The following APBA2 variants were observed in gnomAD, a reference collection of about 807,000 sequenced individuals.
APBA2 encodes amyloid-beta A4 precursor protein-binding family A member 2.
APBA2 carries 30 observed loss-of-function variants against 75.0 expected under a neutral mutation model. The ratio of observed to expected loss-of-function variants is 0.40; its 90% CI spans 0.30 to 0.54. The LOEUF (loss-of-function observed/expected upper bound fraction) is 0.54, where lower values mean the gene tolerates loss of function less well. Among genes scored for constraint, APBA2 ranks in the 20% least tolerant of loss-of-function variants. The pLI is 0.49. For missense variants in APBA2, 801 were observed against 1,016.1 expected (o/e 0.79, Z 2.88); for synonymous variants, 444 against 409.6 (o/e 1.08, Z -1.01).
chr15:28,916,266 GATGCCCAGAGT>G (rs2033686980), intron 1 of APBA2, among the ~76,000 whole-genome samples: 1 of 152,166 alleles, frequency 6.6e-6, no homozygotes, highest in Admixed American at 6.5e-5. Flanking sequence ...CACCTCTCCT[GATGCCCAGAGT>G]GGCGGCCCGT....
chr15:28,956,205 C>A (rs1311370809), intron 2 of APBA2, among the ~76,000 whole-genome samples: 1 of 152,080 alleles, frequency 6.6e-6, no homozygotes, highest in Non-Finnish European at 1.5e-5. Context: ...CCTAGCCCTC[C>A]CAGCCCTCTG....
At chr15:29,087,873 A>C (rs2043362078) in intron 6 of APBA2, among the ~76,000 whole-genome samples, 1 of 152,018 alleles carries the variant, frequency 6.6e-6, no homozygotes, top group Admixed American at 6.6e-5. Flanking sequence ...TCCCGTCTGC[A>C]CTTTGGAACC....
chr15:28,908,095 G>A (rs1031869628), intron 1 of APBA2, among the ~76,000 whole-genome samples: 6 of 152,182 alleles, frequency 3.9e-5, no homozygotes, highest in African/African-American at 1.2e-4. Context: ...GCTGGACCCT[G>A]GGGTTTTCCC....
chr15:29,083,604 C>T lies in APBA2; in HGVS notation c.1069+7513C>T, dbSNP rs146142746. On this transcript the variant is annotated intron_variant, in intron 6 of 14. Coordinates refer to ENST00000683413, the MANE Select transcript of APBA2 (RefSeq NM_001353788.2). Reference sequence around the variant, plus strand: ...GGAGTGCAATGGCGCAATCTTGGCTCACTGCAACCTTCGCCTTCTGGGTTC... The same window carrying T: ...GGAGTGCAATGGCGCAATCTTGGCTTACTGCAACCTTCGCCTTCTGGGTTC... Among the ~76,000 whole-genome samples, 252 of 152,284 alleles carry T rather than the reference C, an allele frequency of 1.7e-3. 2 individuals are homozygous for T. Among genetic ancestry groups the T allele is most frequent in the African/African-American group, 5.6e-3 (232 of 41,554 alleles).
In APBA2 at chr15:29,108,316, C is replaced by A. The variant is rs1244866975; in HGVS notation, c.1964C>A (p.Pro655His). Residue 655 changes from proline (P) to histidine (H), a missense_variant, in exon 13 of 15, where the codon CCC becomes CAC. Physicochemically the swap from Pro to His is moderately conservative, Grantham distance 77. Around this residue, in one of 2 missense-constraint regions of APBA2, gnomAD observed 367 missense variants for 544.5 expected, o/e 0.67. Transcript: ENST00000683413. Reference sequence around the variant, plus strand: ...GTGAAGCTCAACATTGTCAGCTGTCCCCCGGTCACCACGGTCCTTATCAAG... The same window carrying A: ...GTGAAGCTCAACATTGTCAGCTGTCACCCGGTCACCACGGTCCTTATCAAG... ...TQVKLNIVSC[P>H]PVTTVLIKRP... 6.2e-7 allele frequency: 1 copy of A among 1,614,040 alleles called. No homozygotes were observed. The highest frequency in any genetic ancestry group is 1.7e-5 in the Admixed American group (1 of 60,028).
At chr15:28,920,072 G>T (rs2033892485) in intron 1 of APBA2, among the ~76,000 whole-genome samples, 1 of 152,184 alleles carries the variant, frequency 6.6e-6, no homozygotes, top group Non-Finnish European at 1.5e-5. Context: ...ATCATGTGCA[G>T]TCTATAAACT....
intron 2 of APBA2, among the ~76,000 whole-genome samples, chr15:28,941,842 C>T (rs563108318): frequency 6.6e-6 from 1 of 152,352 alleles, no homozygotes; most frequent in East Asian, 1.9e-4. Context: ...CCGCAAGCTC[C>T]GCCTCCCGGG....
chr15:29,039,692 T>C lies in APBA2; in HGVS notation c.-40-14153T>C, dbSNP rs2040936434. On this transcript the variant is annotated intron_variant, in intron 3 of 14. Transcript: ENST00000683413. ...CCTGCCGATGATAATGCTGATGATG[T>C]CAAGCCTAGCTGAACGCTGATGGGC... Among the ~76,000 whole-genome samples the C allele has an allele frequency of 4.6e-5, 7 of 152,188 alleles. No homozygotes were observed. In the South Asian group the frequency reaches 1.0e-3, roughly 22 times the overall value.
chr15:28,934,755 G>A (rs1036940483), intron 2 of APBA2, among the ~76,000 whole-genome samples: 1 of 152,166 alleles, frequency 6.6e-6, no homozygotes, highest in Admixed American at 6.5e-5. Flanking sequence ...TGGTAAGCTC[G>A]GTCACCCAGG....
At chr15:28,889,662 G>A (rs2031999580) in intron 1 of APBA2, among the ~76,000 whole-genome samples, 2 of 152,050 alleles carry the variant, frequency 1.3e-5, no homozygotes, top group Admixed American at 1.3e-4. Flanking sequence ...ACTGAATGTG[G>A]GCTCTTTCCC....
chr15:29,082,523 CA>C (rs2043127984), intron 6 of APBA2, among the ~76,000 whole-genome samples: 1 of 152,142 alleles, frequency 6.6e-6, no homozygotes, highest in African/African-American at 2.4e-5. Flanking sequence ...CAGCCCCTGG[CA>C]ATTGGGAATT....
chr15:29,111,244 C>T (rs576044043), intron 13 of APBA2, among the ~76,000 whole-genome samples: 10 of 151,990 alleles, frequency 6.6e-5, no homozygotes, highest in Admixed American at 2.0e-4. Flanking sequence ...GTCTGGGTCA[C>T]GACTGGGGAC....
intron 3 of APBA2, among the ~76,000 whole-genome samples, chr15:29,002,717 T>C (rs1214118420): frequency 6.6e-6 from 1 of 152,080 alleles, no homozygotes; most frequent in African/African-American, 2.4e-5. Flanking sequence ...ACAGGCATGT[T>C]TGGCATGGGT....
At chr15:28,950,584 G>T (rs371284260) in intron 2 of APBA2, among the ~76,000 whole-genome samples, 62 of 150,232 alleles carry the variant, frequency 4.1e-4, no homozygotes, top group South Asian at 2.1e-3. Context: ...CTGAGATCAC[G>T]CCACTGCACT....
At chr15:28,934,314 G>T (rs972821496) in intron 2 of APBA2, among the ~76,000 whole-genome samples, 1 of 152,166 alleles carries the variant, frequency 6.6e-6, no homozygotes, top group African/African-American at 2.4e-5. Flanking sequence ...ACTCCTGTCT[G>T]CAGGTGAGTG....
At chr15:28,995,067 G>C (rs1191734694) in intron 2 of APBA2, among the ~76,000 whole-genome samples, 1 of 152,096 alleles carries the variant, frequency 6.6e-6, no homozygotes, top group African/African-American at 2.4e-5. Context: ...TTCCACCCCA[G>C]CTTCCTGCCC....
intron 2 of APBA2, among the ~76,000 whole-genome samples, chr15:28,992,955 C>T (rs1041884494): frequency 2.0e-5 from 3 of 152,204 alleles, no homozygotes; most frequent in Non-Finnish European, 2.9e-5. Flanking sequence ...GAGCAGGTCC[C>T]AGCCTTTCTG....
Position 29,117,760 on chromosome 15 carries a change from A to ATTTT in APBA2, c.*628_*631dup, listed in dbSNP as rs1567042353. ...TGCTATTATTACTGTTTGGACTTTT[A>ATTTT]TTTTGGCAGGCTTTTTTCCAGACTC... On this transcript the variant is annotated 3_prime_UTR_variant, in exon 15 of 15. Transcript: ENST00000683413. 1 of 152,784 alleles carries ATTTT rather than the reference A, an allele frequency of 6.5e-6. No individual in the cohort carries two copies. The highest frequency in any genetic ancestry group is 6.5e-5 in the Admixed American group (1 of 15,380). The allele number at this position is 152,784 out of a possible 1,614,324, so 9.5% of individuals were successfully genotyped here.
chr15:29,043,349 T>C (rs534324697), intron 3 of APBA2, among the ~76,000 whole-genome samples: 7 of 152,274 alleles, frequency 4.6e-5, no homozygotes, highest in Non-Finnish European at 1.0e-4. Context: ...GGCCCAACAT[T>C]AACCCCAAGC....
Sources: allele counts gnomAD v4.1 joint callset (sites outside exome capture counted in the v4.1 genomes callset), GRCh38; gene constraint gnomAD v4.1.1; regional missense constraint gnomAD v4.1.1; transcripts MANE v1.5; gene names NCBI Gene and HGNC (gene_info 2026-07-23, HGNC 2026-07-21).